The following ZNF726 variants were observed in gnomAD, a reference collection of about 807,000 sequenced individuals.
ZNF726 encodes the protein zinc finger protein 92 pseudogene 3.
A neutral mutation model predicts 11.6 loss-of-function variants in ZNF726; 15 were observed. The ratio of observed to expected loss-of-function variants is 1.29; its 90% CI spans 0.86 to 1.99. ZNF726 has a LOEUF of 1.99. Among genes scored for constraint, ZNF726 ranks in the 30% most tolerant of loss-of-function variants. The probability of loss-of-function intolerance (pLI) is 0.00; values close to 1 mark genes in which losing one functional copy is unlikely to be tolerated. For missense variants in ZNF726, 890 were observed against 725.6 expected, an observed-to-expected ratio of 1.23 and a Z score of -2.60; for synonymous variants, 295 against 243.6, an observed-to-expected ratio of 1.21 and a Z score of -1.96.
In ZNF726 at chr19:23,929,665, CTTAAAA is replaced by C. The variant is rs1464963729; in HGVS notation, c.227-2671_227-2666del. ...AAAAAATGGAGTTTACATGAAACATCTTAAAATTAAAACAATATATTTATATCTCAT... is the reference window on the plus strand; with the variant it reads ...AAAAAATGGAGTTTACATGAAACATCTTAAAACAATATATTTATATCTCAT... On this transcript the variant is annotated intron_variant, in intron 3 of 3. Transcript: ENST00000594466. Among the ~76,000 whole-genome samples, 7 of 152,202 alleles carry C rather than the reference CTTAAAA, an allele frequency of 4.6e-5. No homozygotes were observed. In the South Asian group the frequency reaches 8.3e-4, roughly 18 times the overall value.
In ZNF726 at chr19:23,933,125, G is replaced by A. The variant is rs1968152269; in HGVS notation, c.1009G>A (p.Gly337Arg). 1 of 1,611,758 alleles carries A rather than the reference G, an allele frequency of 6.2e-7. No homozygotes were observed. The highest frequency in any genetic ancestry group is 8.5e-7 in the Non-Finnish European group (1 of 1,179,898). ...TLTRHKRLHS[G>R]EKPYKCEECA... Reference sequence around the variant, plus strand: ...AACTAGACATAAGAGGCTGCACAGTGGAGAGAAACCCTACAAATGTGAAGA... The same window carrying A: ...AACTAGACATAAGAGGCTGCACAGTAGAGAGAAACCCTACAAATGTGAAGA... The change falls in exon 4 of 4, where the codon GGA becomes AGA. Residue 337 changes from glycine to arginine, a missense_variant. By Grantham distance (125) the Gly-to-Arg change is moderately radical. Coordinates refer to ENST00000594466, the MANE Select transcript of ZNF726 (RefSeq NM_001244038.2).
rs1272795979 is a variant in ZNF726, at chr19:23,932,650, T to C, written c.534T>C (p.Cys178=). ...AGAAACCTTTCAAATGTAAAAATTGTGTCAAATCATTTTGCATGTTTTCAC... is the reference window on the plus strand; with the variant it reads ...AGAAACCTTTCAAATGTAAAAATTGCGTCAAATCATTTTGCATGTTTTCAC... ...TRKKPFKCKN[C]VKSFCMFSHK... The change falls in exon 4 of 4, where the codon TGT becomes TGC. Residue 178 remains cysteine, a synonymous_variant. Transcript: ENST00000594466. The C allele has an allele frequency of 6.4e-6, 10 of 1,571,046 alleles. No individual in the cohort carries two copies. Among genetic ancestry groups the C allele is most frequent in the Non-Finnish European group, 8.6e-6 (10 of 1,160,652 alleles).
chr19:23,931,903 G>A (rs573296628), intron 3 of ZNF726, among the ~76,000 whole-genome samples: 1 of 152,160 alleles, frequency 6.6e-6, no homozygotes, highest in East Asian at 1.9e-4. Flanking sequence ...AGCACTTTAT[G>A]TCATGAGAGA....
chr19:23,938,631 G>A (rs1312148595), downstream of ZNF726, among the ~76,000 whole-genome samples: 1 of 133,686 alleles, frequency 7.5e-6, no homozygotes, highest in Non-Finnish European at 1.6e-5. Context: ...TTTTTGAGCT[G>A]GAGTCTTGCT....
chr19:23,938,403 C>T (rs1265708861), downstream of ZNF726, among the ~76,000 whole-genome samples: 1 of 151,858 alleles, frequency 6.6e-6, no homozygotes, highest in Non-Finnish European at 1.5e-5. Flanking sequence ...AAGAAGGTGT[C>T]TAATTTACTA....
downstream of ZNF726, among the ~76,000 whole-genome samples, chr19:23,937,276 C>A (rs555991130): frequency 6.7e-6 from 1 of 149,296 alleles, no homozygotes; most frequent in Non-Finnish European, 1.5e-5. Flanking sequence ...GCTGGCCGGG[C>A]GGGGGGCTGA....
chr19:23,942,087 A>G (rs1048579983), intron 3 of ZNF726, among the ~76,000 whole-genome samples: 2 of 151,718 alleles, frequency 1.3e-5, no homozygotes, highest in East Asian at 3.9e-4. Flanking sequence ...AGACTTTTTG[A>G]TGTAGGCATT....
chr19:23,932,552 C>T lies in ZNF726; in HGVS notation c.436C>T (p.Gln146Ter), dbSNP rs753563000. 1 of 1,588,458 alleles carries T rather than the reference C, an allele frequency of 6.3e-7. No individual in the cohort carries two copies. Among genetic ancestry groups the T allele is most frequent in the Non-Finnish European group, 8.5e-7 (1 of 1,170,840 alleles). Reference protein sequence around the residue: ...CFTTTQGKASQCGKYLKVFYK... With the variant: ...CFTTTQGKAS ...CACAACTACCCAGGGCAAAGCTTCT[C>T]AATGTGGTAAATATTTGAAAGTCTT... is the stretch of plus-strand genomic sequence containing the variant. Residue 146 changes from glutamine to a stop codon, truncating the protein, a stop_gained, in exon 4 of 4, where the codon CAA (glutamine) becomes TAA (stop). Transcript: ENST00000594466. LOFTEE classifies it low-confidence loss of function (END_TRUNC).
At chr19:23,940,893 C>T (rs903928297) in intron 3 of ZNF726, among the ~76,000 whole-genome samples, 1 of 152,052 alleles carries the variant, frequency 6.6e-6, no homozygotes, top group Non-Finnish European at 1.5e-5. Flanking sequence ...CTGGAGGAGT[C>T]CTCAGGGTTT....
downstream of ZNF726, among the ~76,000 whole-genome samples, chr19:23,935,032 AG>A (rs1968204351): frequency 6.6e-6 from 1 of 152,216 alleles, no homozygotes; most frequent in South Asian, 2.1e-4. Context: ...AGAGATCTGG[AG>A]GCATAGACTA....
downstream of ZNF726, among the ~76,000 whole-genome samples, chr19:23,938,630 T>G (rs1453158275): frequency 6.9e-6 from 1 of 145,940 alleles, no homozygotes; most frequent in Non-Finnish European, 1.5e-5. Context: ...TTTTTTGAGC[T>G]GGAGTCTTGC....
intron 1 of ZNF726, among the ~76,000 whole-genome samples, chr19:23,916,746 T>C (rs1030538915): frequency 2.6e-5 from 4 of 152,170 alleles, no homozygotes; most frequent in African/African-American, 9.7e-5. Context: ...AATATCTGTG[T>C]TTTTTTCTTT....
downstream of ZNF726, chr19:23,936,135 C>T (rs1276875110): frequency 6.6e-6 from 1 of 152,050 alleles, no homozygotes; most frequent in Non-Finnish European, 1.5e-5. Flanking sequence ...TTATGAAACA[C>T]CAAAGCGTTC....
chr19:23,917,641 C>A (rs1017398633), intron 1 of ZNF726, among the ~76,000 whole-genome samples: 1 of 151,968 alleles, frequency 6.6e-6, no homozygotes, highest in African/African-American at 2.4e-5. Context: ...CAGTGAATAT[C>A]TTTATTCTGT....
chr19:23,941,728 A>G (rs1014582313), intron 3 of ZNF726, among the ~76,000 whole-genome samples: 52 of 151,998 alleles, frequency 3.4e-4, no homozygotes, highest in Non-Finnish European at 3.8e-4. Context: ...GAATTTATCC[A>G]TCTCTTCTAG....
Position 23,933,656 on chromosome 19 carries a change from T to A in ZNF726, c.1540T>A (p.Cys514Ser), listed in dbSNP as rs181651861. 7.8e-5 allele frequency: 126 copies of A among 1,612,560 alleles called. No individual in the cohort carries two copies. In the African/African-American group the frequency reaches 1.5e-3, roughly 19 times the overall value. ...AGAGAAACCCTACAAATGTGAAGAA[T>A]GTGGCAAAGCATTTATATTGTCCTC... ...TGEKPYKCEE[C>S]GKAFILSSTL... Residue 514 changes from cysteine to serine, a missense_variant, in exon 4 of 4, where the codon TGT becomes AGT. Coordinates refer to ENST00000594466, the MANE Select transcript of ZNF726 (RefSeq NM_001244038.2).
At chr19:23,929,093 T>A (rs1968049771) in intron 3 of ZNF726, 1 of 152,082 alleles carries the variant, frequency 6.6e-6, no homozygotes. Flanking sequence ...TATTAAGTAG[T>A]TTAATTTATA....
At chr19:23,915,067 G>A in intron 1 of ZNF726, 70 bp downstream of exon 1, 1 of 1,611,034 alleles carries the variant, frequency 6.2e-7, no homozygotes, top group Admixed American at 1.7e-5. Flanking sequence ...AAGCGGCAGT[G>A]GCGGGACTCA....
intron 1 of ZNF726, among the ~76,000 whole-genome samples, chr19:23,916,973 CAG>C (rs1175942614): frequency 6.6e-6 from 1 of 152,174 alleles, no homozygotes; most frequent in Non-Finnish European, 1.5e-5. Flanking sequence ...CTTTTTAAGA[CAG>C]AGTTTCCCTC....
Sources: allele counts gnomAD v4.1 joint callset (sites outside exome capture counted in the v4.1 genomes callset), GRCh38; gene constraint gnomAD v4.1.1; transcripts MANE v1.5; gene names NCBI Gene and HGNC (gene_info 2026-07-23, HGNC 2026-07-21).